Variants in SEC61A2 observed in about 807,000 individuals in gnomAD.
SEC61A2 encodes the protein SEC61 translocon subunit alpha 2.
A neutral mutation model predicts 59.9 loss-of-function variants in SEC61A2; 28 were observed. The observed-to-expected ratio is 0.47, with a 90% confidence interval of 0.35 to 0.64. SEC61A2 has a LOEUF of 0.64. SEC61A2 is among the 30% of genes least tolerant of loss of function. The pLI, the probability that SEC61A2 is intolerant of heterozygous loss-of-function variation, is 0.01. For synonymous variants in SEC61A2, 202 were observed against 214.4 expected (o/e 0.94, Z 0.50); for missense variants, 340 against 585.9 (o/e 0.58, Z 4.33).
chr10:12,155,337 T>C lies in SEC61A2; in HGVS notation c.463-441T>C. 6.3e-7 allele frequency: 1 copy of C among 1,585,234 alleles called. No individual in the cohort carries two copies. Among genetic ancestry groups the C allele is most frequent in the Non-Finnish European group, 8.6e-7 (1 of 1,167,828 alleles). Reference sequence around the variant, plus strand: ...ATCAACACAGCCCTTAGACTTATCCTTTGATGGCAGTGTACATTTCCATCT... The same window carrying C: ...ATCAACACAGCCCTTAGACTTATCCCTTGATGGCAGTGTACATTTCCATCT... On this transcript the variant is annotated intron_variant, in intron 6 of 11. Coordinates refer to ENST00000298428, the MANE Select transcript of SEC61A2 (RefSeq NM_018144.4). This position sits in a 1 kb window ranked among gnomAD's most constrained non-coding sequence, Gnocchi z 4.3.
In SEC61A2 at chr10:12,155,690, C is replaced by T; in HGVS notation, c.463-88C>T. 6.7e-7 allele frequency: 1 copy of T among 1,484,756 alleles called. No individual in the cohort carries two copies. The allele number at this position is 1,484,756 out of a possible 1,614,324, so 92.0% of individuals were successfully genotyped here. Reference sequence around the variant, plus strand: ...GATCAGGCCTTAATATTCAAAACGCCCCTAGCTTGGAAATAGCCAATGGTG... The same window carrying T: ...GATCAGGCCTTAATATTCAAAACGCTCCTAGCTTGGAAATAGCCAATGGTG... On this transcript the variant is annotated intron_variant, in intron 6 of 11. Coordinates refer to ENST00000298428, the MANE Select transcript of SEC61A2 (RefSeq NM_018144.4). The surrounding 1 kb of genome is among the most constrained non-coding windows in gnomAD (Gnocchi z 4.3).
rs999925868 is a variant in SEC61A2, at chr10:12,161,734, C to T, written c.1168-479C>T. ...CCAGCCTGGCGACAGAGCTAGACTC[C>T]GTCTCCAAAATAAATAAATAAATAG... On this transcript the variant is annotated intron_variant, in intron 10 of 11. Coordinates refer to ENST00000298428, the MANE Select transcript of SEC61A2 (RefSeq NM_018144.4). The surrounding 1 kb of genome is among the most constrained non-coding windows in gnomAD (Gnocchi z 5.4). Among the ~76,000 whole-genome samples the T allele has an allele frequency of 4.6e-5, 7 of 151,754 alleles. No individual in the cohort carries two copies. Among genetic ancestry groups the T allele is most frequent in the African/African-American group, 7.3e-5 (3 of 41,294 alleles).
rs1043660885 is a variant in SEC61A2 at position 12,152,902 on chromosome 10, G to A, written c.463-2876G>A. Among the ~76,000 whole-genome samples, 1 of 150,766 alleles carries A rather than the reference G, an allele frequency of 6.6e-6. No individual in the cohort carries two copies. Among genetic ancestry groups the A allele is most frequent in the African/African-American group, 2.4e-5 (1 of 41,034 alleles). On this transcript the variant is annotated intron_variant, in intron 6 of 11. Transcript: ENST00000298428. The surrounding 1 kb of genome is among the most constrained non-coding windows in gnomAD (Gnocchi z 5.5). ...CTCAAAAACTAAAACAAAATAAAAC[G>A]ACAAAAATTAGCCAGGCGTGGCGGT...
chr10:12,150,990 T>C (rs545649208), intron 6 of SEC61A2, among the ~76,000 whole-genome samples: 3,035 of 150,984 alleles, frequency 0.02, 123 homozygotes, highest in African/African-American at 0.071. Context: ...TTGGCCAGGC[T>C]GGTGTTGAAC....
chr10:12,143,128 TG>T lies in SEC61A2; in HGVS notation c.155del (p.Gly52GlufsTer14). 1 of 1,611,574 alleles carries T rather than the reference TG, an allele frequency of 6.2e-7. No homozygotes were observed. The highest frequency in any genetic ancestry group is 1.1e-5 in the South Asian group (1 of 91,034). On this transcript the variant is annotated frameshift_variant, in exon 4 of 12. Transcript: ENST00000298428. LOFTEE classifies it high-confidence loss of function. This position sits in a 1 kb window ranked among gnomAD's most constrained non-coding sequence, Gnocchi z 4.8. Reference sequence around the variant, plus strand: ...GTGTACTATTTTAGATCCCACTGTTTGGAATCATGTCATCAGATTCTGCAGA... The same window carrying T: ...GTGTACTATTTTAGATCCCACTGTTTGAATCATGTCATCAGATTCTGCAGA... ...FLVCCQIPLF[G>X]IMSSDSADPF...
rs1333238503 is a variant in SEC61A2 at position 12,161,064 on chromosome 10, G to C, written c.1110G>C (p.Gly370=). 1 of 1,613,944 alleles carries C rather than the reference G, an allele frequency of 6.2e-7. No individual in the cohort carries two copies. Among genetic ancestry groups the C allele is most frequent in the Non-Finnish European group, 8.5e-7 (1 of 1,179,906 alleles). The part of the protein sequence containing the change: ...HVVVYIIFML[G]SCAFFSKTWI... ...TTGTTTATATCATCTTCATGTTGGG[G>C]TCATGTGCATTCTTCTCTAAGACAT... Residue 370 remains glycine, a synonymous_variant, in exon 10 of 12, where the codon GGG becomes GGC. Coordinates refer to ENST00000298428, the MANE Select transcript of SEC61A2 (RefSeq NM_018144.4). The surrounding 1 kb of genome is among the most constrained non-coding windows in gnomAD (Gnocchi z 5.4).
At chr10:12,169,278 G>A (rs1194812383), downstream of SEC61A2, 2 of 1,553,018 alleles carry the variant, frequency 1.3e-6, no homozygotes, top group Admixed American at 2.0e-5. The surrounding 1 kb of genome is among the most constrained non-coding windows in gnomAD (Gnocchi z 4.8). Flanking sequence ...AAGTTAAGAA[G>A]GTGGAAGGGA....
At chr10:12,134,610 C>T (rs1833841591) in intron 2 of SEC61A2, among the ~76,000 whole-genome samples, 1 of 152,086 alleles carries the variant, frequency 6.6e-6, no homozygotes. Context: ...GTTGTAGCTG[C>T]TACTGAGGTG....
In SEC61A2 at chr10:12,156,701, G is replaced by C. The variant is rs74891505; in HGVS notation, c.617-206G>C. ...AAGAATAGTCTCTTGAGAAAACTTC[G>C]GATTTATGCTATAAAAACATAGATT... On this transcript the variant is annotated intron_variant, in intron 7 of 11. Coordinates refer to ENST00000298428, the MANE Select transcript of SEC61A2 (RefSeq NM_018144.4). The surrounding 1 kb of genome is among the most constrained non-coding windows in gnomAD (Gnocchi z 5.2). 1.3e-5 allele frequency among the ~76,000 whole-genome samples: 2 copies of C among 152,118 alleles called. No homozygotes were observed.
At chr10:12,151,614 A>AT (rs1410852904) in intron 6 of SEC61A2, among the ~76,000 whole-genome samples, 2 of 151,280 alleles carry the variant, frequency 1.3e-5, no homozygotes, top group Non-Finnish European at 1.5e-5. Context: ...CCGGCCAGGT[A>AT]TTTTTTTCTG....
chr10:12,149,656 A>C lies in SEC61A2; in HGVS notation c.282A>C (p.Leu94Phe). 1.2e-6 allele frequency: 2 copies of C among 1,613,880 alleles called. No individual in the cohort carries two copies. The highest frequency in any genetic ancestry group is 1.7e-6 in the Non-Finnish European group (2 of 1,179,934). Residue 94 changes from leucine (L) to phenylalanine (F), a missense_variant, in exon 5 of 12, where the codon TTA (leucine) becomes TTC (phenylalanine). Around this residue, in one of 3 missense-constraint regions of SEC61A2, gnomAD observed 283 missense variants for 483.2 expected, o/e 0.59. Coordinates refer to ENST00000298428, the MANE Select transcript of SEC61A2 (RefSeq NM_018144.4). The surrounding 1 kb of genome is among the most constrained non-coding windows in gnomAD (Gnocchi z 5.2). ...IVTSGLIMQL[L>F]AGAKIIEVGD... ...CATCTGGTTTGATTATGCAGTTGTT[A>C]GCTGGAGCCAAAATCATTGAAGTTG...
downstream of SEC61A2, chr10:12,168,031 T>C (rs1040411021): frequency 4.7e-5 from 42 of 896,024 alleles, 1 homozygote; most frequent in Middle Eastern, 7.9e-4. The surrounding 1 kb of genome is among the most constrained non-coding windows in gnomAD (Gnocchi z 4.8). Context: ...ATAATGATTT[T>C]TTTTTTTTTT....
At position 12,136,717 on chromosome 10, in the gene SEC61A2, C is replaced by A. The variant is rs142893169; in HGVS notation, c.141+547C>A. Among the ~76,000 whole-genome samples, 92 of 152,254 alleles carry A rather than the reference C, an allele frequency of 6.0e-4. No individual in the cohort carries two copies. In the East Asian group the frequency reaches 0.012, roughly 20 times the overall value. On this transcript the variant is annotated intron_variant, in intron 3 of 11. Coordinates refer to ENST00000298428, the MANE Select transcript of SEC61A2 (RefSeq NM_018144.4). ...TGATCTCGACTCACTGCAACCTCTG[C>A]CTCCCCAGTTCAAGTGATTCTCCTG...
At chr10:12,163,072 C>T (rs563365652) in intron 11 of SEC61A2, among the ~76,000 whole-genome samples, 4 of 152,254 alleles carry the variant, frequency 2.6e-5, no homozygotes, top group Non-Finnish European at 5.9e-5. Flanking sequence ...AAATTTTGTG[C>T]TGCTCAGCTG....
At position 12,149,572 on chromosome 10, in the gene SEC61A2, A is replaced by G; in HGVS notation, c.221-23A>G. 6.3e-7 allele frequency: 1 copy of G among 1,582,442 alleles called. No homozygotes were observed. Among genetic ancestry groups the G allele is most frequent in the South Asian group, 1.2e-5 (1 of 84,828 alleles). ...GTATCGTGTACAGCAAACATTGCAC[A>G]CTTCTCTCCCCTTCCTTTCCAGGAA... is the stretch of plus-strand genomic sequence containing the variant. On this transcript the variant is annotated intron_variant, in intron 4 of 11. Coordinates refer to ENST00000298428, the MANE Select transcript of SEC61A2 (RefSeq NM_018144.4). The surrounding 1 kb of genome is among the most constrained non-coding windows in gnomAD (Gnocchi z 5.2).
intron 6 of SEC61A2, among the ~76,000 whole-genome samples, chr10:12,151,997 G>C (rs980415117): frequency 2.0e-5 from 3 of 152,206 alleles, no homozygotes; most frequent in Admixed American, 6.5e-5. Context: ...ATCCAGGAAA[G>C]TTATGCTGTT....
rs1834553692 is a variant in SEC61A2 at position 12,162,443 on chromosome 10, A to G, written c.1244+154A>G. 1.3e-6 allele frequency: 1 copy of G among 786,180 alleles called. No homozygotes were observed. The highest frequency in any genetic ancestry group is 1.7e-5 in the African/African-American group (1 of 59,330). The allele number at this position is 786,180 out of a possible 1,614,324, so 48.7% of individuals were successfully genotyped here. A position where few individuals can be genotyped will look rare whatever the true frequency, so the allele number is the denominator to read the frequency against. On this transcript the variant is annotated intron_variant, in intron 11 of 11. Transcript: ENST00000298428. The surrounding 1 kb of genome is among the most constrained non-coding windows in gnomAD (Gnocchi z 6.1). The stretch of plus-strand genomic sequence containing the variant: ...TCACACAAAACTTGTTTTCCATGTC[A>G]AAACCAACACCTGAATTTTTCATTG...
At chr10:12,144,833 T>G (rs1190498891) in intron 4 of SEC61A2, among the ~76,000 whole-genome samples, 1 of 152,064 alleles carries the variant, frequency 6.6e-6, no homozygotes, top group Non-Finnish European at 1.5e-5. Flanking sequence ...GGAAGATCAC[T>G]TGAGGTCAGG....
rs1022646483 is a variant in SEC61A2 at position 12,164,543 on chromosome 10, T to G, written c.*89T>G. The G allele has an allele frequency of 6.6e-6, 10 of 1,524,928 alleles. No homozygotes were observed. In the Admixed American group the frequency reaches 2.1e-4, roughly 33 times the overall value. 94.5% of individuals were successfully genotyped at this position (1,524,928 alleles called of 1,614,324 possible). A position where few individuals can be genotyped will look rare whatever the true frequency, so the allele number is the denominator to read the frequency against. ...GATGACACTGGTGGCTCCCCTTTTCTCCCCTCACAGTTTCTTGTTTCGAGT... is the reference window on the plus strand; with the variant it reads ...GATGACACTGGTGGCTCCCCTTTTCGCCCCTCACAGTTTCTTGTTTCGAGT... On this transcript the variant is annotated 3_prime_UTR_variant, in exon 12 of 12. Transcript: ENST00000298428. This position sits in a 1 kb window ranked among gnomAD's most constrained non-coding sequence, Gnocchi z 7.3.
Sources: gnomAD v4.1 joint callset for allele counts (sites outside exome capture counted in the v4.1 genomes callset) on GRCh38, gnomAD v4.1.1 for gene constraint, gnomAD v4.1.1 regional missense constraint, Gnocchi (gnomAD v3.1) non-coding constraint, MANE v1.5 for transcripts, NCBI Gene and HGNC (gene_info 2026-07-23, HGNC 2026-07-21) for gene names.